The following SGCZ variants were observed in gnomAD, a reference collection of about 807,000 sequenced individuals.
The protein encoded by SGCZ is sarcoglycan zeta.
Under a neutral mutation model 41.3 loss-of-function variants are expected in SGCZ, and 40 were observed. The ratio of observed to expected loss-of-function variants is 0.97; its 90% CI spans 0.75 to 1.26. The LOEUF (loss-of-function observed/expected upper bound fraction) is 1.26, where lower values mean the gene tolerates loss of function less well. Among genes scored for constraint, SGCZ ranks in the 50% most tolerant of loss-of-function variants. The pLI, the probability that SGCZ is intolerant of heterozygous loss-of-function variation, is 0.00. For missense variants in SGCZ, 552 were observed against 369.8 expected (o/e 1.49, Z -4.04); for synonymous variants, 206 against 137.5 (o/e 1.50, Z -3.49).
chr8:14,967,928 T>G (rs563347649), intron 1 of SGCZ, among the ~76,000 whole-genome samples: 1 of 152,208 alleles, frequency 6.6e-6, no homozygotes, highest in South Asian at 2.1e-4. Flanking sequence ...TACACAGACC[T>G]CCAAAAGCAA....
chr8:14,384,234 C>A (rs959487526), intron 2 of SGCZ, among the ~76,000 whole-genome samples: 2 of 151,950 alleles, frequency 1.3e-5, no homozygotes, highest in Non-Finnish European at 2.9e-5. Flanking sequence ...TTTGTCCTTG[C>A]GATAGTTTGC....
intron 1 of SGCZ, among the ~76,000 whole-genome samples, chr8:14,642,264 G>A (rs1409045413): frequency 2.0e-5 from 3 of 151,554 alleles, no homozygotes; most frequent in Non-Finnish European, 3.0e-5. Flanking sequence ...TGAAATAATT[G>A]TAACAATATC....
intron 2 of SGCZ, among the ~76,000 whole-genome samples, chr8:14,440,716 CGT>C (rs1563330860): frequency 0.016 from 873 of 55,180 alleles, 32 homozygotes; most frequent in African/African-American, 0.052. Flanking sequence ...TATATACATA[CGT>C]ATACACGTAT....
At position 14,179,250 on chromosome 8, in the gene SGCZ, T is replaced by C. The variant is rs558802913; in HGVS notation, c.425-14548A>G. 3.0e-3 allele frequency among the ~76,000 whole-genome samples: 459 copies of C among 152,330 alleles called. 2 individuals are homozygous for C. Among genetic ancestry groups the C allele is most frequent in the Non-Finnish European group, 5.1e-3 (344 of 68,034 alleles). ...TCTAGAGAATGACGGGAAATTATCA[T>C]AACCTAAGCAATGTGGTGCCCCCTG... On this transcript the variant is annotated intron_variant, in intron 4 of 7. Transcript: ENST00000382080.
chr8:14,100,278 C>G (rs1005172357), intron 7 of SGCZ, among the ~76,000 whole-genome samples: 3 of 151,356 alleles, frequency 2.0e-5, no homozygotes, highest in Non-Finnish European at 4.4e-5. Context: ...AATCAAAGGA[C>G]TCTGCTGATA....
At chr8:14,722,934 G>GA (rs1439747814) in intron 1 of SGCZ, among the ~76,000 whole-genome samples, 3 of 152,010 alleles carry the variant, frequency 2.0e-5, no homozygotes, top group Non-Finnish European at 2.9e-5. Context: ...TTTAATCTCC[G>GA]AAAAAATCTA....
chr8:15,027,479 T>G (rs1203968699), intron 1 of SGCZ, among the ~76,000 whole-genome samples: 6 of 152,078 alleles, frequency 3.9e-5, no homozygotes, highest in African/African-American at 1.2e-4. Flanking sequence ...TAACACAGGT[T>G]ATATTGAGCT....
intron 1 of SGCZ, among the ~76,000 whole-genome samples, chr8:15,154,006 G>A (rs1252368059): frequency 6.6e-6 from 1 of 151,992 alleles, no homozygotes; most frequent in Non-Finnish European, 1.5e-5. Flanking sequence ...CACATGCACG[G>A]TTCACGATAG....
At chr8:14,892,072 T>C (rs1224559891) in intron 1 of SGCZ, among the ~76,000 whole-genome samples, 1 of 152,220 alleles carries the variant, frequency 6.6e-6, no homozygotes, top group Non-Finnish European at 1.5e-5. Context: ...CTGGAATATA[T>C]CTAAGATATG....
At chr8:14,382,475 G>A (rs1445103564) in intron 2 of SGCZ, among the ~76,000 whole-genome samples, 1 of 151,814 alleles carries the variant, frequency 6.6e-6, no homozygotes, top group African/African-American at 2.4e-5. Context: ...CACAGAGCAG[G>A]TGCAAGCTAA....
chr8:14,481,591 T>C (rs1437609659), intron 2 of SGCZ, among the ~76,000 whole-genome samples: 2 of 152,222 alleles, frequency 1.3e-5, no homozygotes, highest in Non-Finnish European at 2.9e-5. Flanking sequence ...TAGATACATA[T>C]AACTCTAGAA....
intron 2 of SGCZ, among the ~76,000 whole-genome samples, chr8:14,454,285 G>T (rs1171269968): frequency 6.6e-6 from 1 of 152,120 alleles, no homozygotes; most frequent in African/African-American, 2.4e-5. Context: ...AACAAATCTG[G>T]ACTTTAGGAA....
intron 1 of SGCZ, among the ~76,000 whole-genome samples, chr8:15,190,550 T>G (rs1800500787): frequency 6.6e-6 from 1 of 152,146 alleles, no homozygotes; most frequent in South Asian, 2.1e-4. Context: ...GCCCAGAGAC[T>G]TGTTTCACAA....
rs370027132 is a variant in SGCZ, at chr8:14,116,652, C to T, written c.548-8417G>A. On this transcript the variant is annotated intron_variant, in intron 5 of 7. Coordinates refer to ENST00000382080, the MANE Select transcript of SGCZ (RefSeq NM_139167.4). ...TTTTTTGTTTCTGTGAGATTATTTA[C>T]CTTTTGTTGCTCAAGGTTGCTCCTT... 4.6e-5 allele frequency among the ~76,000 whole-genome samples: 7 copies of T among 152,090 alleles called. No individual in the cohort carries two copies. In the South Asian group the frequency reaches 1.2e-3, roughly 27 times the overall value.
At chr8:15,097,616 GGC>G in intron 1 of SGCZ, among the ~76,000 whole-genome samples, 1 of 151,190 alleles carries the variant, frequency 6.6e-6, no homozygotes, top group Admixed American at 6.6e-5. Flanking sequence ...AATCAGTCGG[GGC>G]AATGTTGACT....
chr8:15,171,644 T>C (rs920338562), intron 1 of SGCZ, among the ~76,000 whole-genome samples: 1 of 152,224 alleles, frequency 6.6e-6, no homozygotes, highest in African/African-American at 2.4e-5. Flanking sequence ...TCTTCTGATT[T>C]CACTTTGGAT....
intron 1 of SGCZ, among the ~76,000 whole-genome samples, chr8:14,899,938 T>C (rs1022872609): frequency 7.2e-5 from 11 of 152,210 alleles, no homozygotes; most frequent in South Asian, 2.1e-4. Flanking sequence ...GCTGGTGACC[T>C]GTACGTAGTT....
At chr8:14,375,050 T>G (rs1804062402) in intron 2 of SGCZ, among the ~76,000 whole-genome samples, 1 of 151,788 alleles carries the variant, frequency 6.6e-6, no homozygotes, top group African/African-American at 2.4e-5. Flanking sequence ...AAAGAGAAAG[T>G]CACTGCAGAA....
At chr8:14,875,535 A>G (rs1804323051) in intron 1 of SGCZ, among the ~76,000 whole-genome samples, 1 of 152,162 alleles carries the variant, frequency 6.6e-6, no homozygotes, top group Non-Finnish European at 1.5e-5. Context: ...TGAAAACCAG[A>G]GAGAACAATA....
Sources: gnomAD v4.1 joint callset for allele counts (sites outside exome capture counted in the v4.1 genomes callset) on GRCh38, gnomAD v4.1.1 for gene constraint, MANE v1.5 for transcripts, NCBI Gene and HGNC (gene_info 2026-07-23, HGNC 2026-07-21) for gene names.